CHD9NB: variants seen among roughly 807,000 people sequenced by gnomAD.
CHD9NB encodes CHD9 neighbor.
At chr16:53,040,503 T>C in the CHD9NB span, among the ~76,000 whole-genome samples, 1 of 152,164 alleles carries the variant, frequency 6.6e-6, no homozygotes, top group Non-Finnish European at 1.5e-5. Flanking sequence ...TACATTCGCT[T>C]CCAAAATAAC....
the CHD9NB span, among the ~76,000 whole-genome samples, chr16:53,048,202 G>A: frequency 1.3e-5 from 2 of 151,788 alleles, no homozygotes; most frequent in Non-Finnish European, 2.9e-5. Context: ...CCAGGGGTTC[G>A]AGACCAGCCT....
At chr16:53,035,769 C>G in the CHD9NB span, 1 of 152,120 alleles carries the variant, frequency 6.6e-6, no homozygotes, top group Non-Finnish European at 1.5e-5. Flanking sequence ...TTGAGACCAG[C>G]CTGGGCAACA....
the CHD9NB span, among the ~76,000 whole-genome samples, chr16:53,038,327 T>G: frequency 6.6e-6 from 1 of 152,170 alleles, no homozygotes; most frequent in Non-Finnish European, 1.5e-5. Context: ...TTAGCCAAGT[T>G]AAACTGACAC....
chr16:53,049,329 T>C, the CHD9NB span, among the ~76,000 whole-genome samples: 33 of 142,722 alleles, frequency 2.3e-4, no homozygotes, highest in Non-Finnish European at 4.8e-4. Context: ...CTGTTGTGTG[T>C]GTGTGTGTGT....
chr16:53,052,547 C>T, the CHD9NB span, among the ~76,000 whole-genome samples: 1 of 152,148 alleles, frequency 6.6e-6, no homozygotes, highest in African/African-American at 2.4e-5. Flanking sequence ...GAGAAAAATG[C>T]CAGGAGAACT....
chr16:53,051,120 C>T, the CHD9NB span, among the ~76,000 whole-genome samples: 2 of 151,952 alleles, frequency 1.3e-5, no homozygotes, highest in Admixed American at 1.3e-4. Context: ...ATCTCCTGAC[C>T]TCGTGATCCG....
chr16:53,041,251 A>G, the CHD9NB span, among the ~76,000 whole-genome samples: 3 of 152,278 alleles, frequency 2.0e-5, no homozygotes, highest in East Asian at 1.9e-4. Context: ...GGTTAAAGTT[A>G]TATTTCAGTA....
At chr16:53,040,487 A>T in the CHD9NB span, among the ~76,000 whole-genome samples, 9 of 152,166 alleles carry the variant, frequency 5.9e-5, no homozygotes, top group Non-Finnish European at 8.8e-5. Context: ...ATCCAACTCC[A>T]GGTCATACAT....
chr16:53,051,763 GTATAAATATATATATA>G, the CHD9NB span, among the ~76,000 whole-genome samples: 8 of 87,174 alleles, frequency 9.2e-5, no homozygotes, highest in African/African-American at 5.1e-4. Context: ...CAACTTAAAA[GTATAAATATATATATA>G]TATATATATA....
At chr16:53,037,391 C>A in the CHD9NB span, among the ~76,000 whole-genome samples, 1 of 152,288 alleles carries the variant, frequency 6.6e-6, no homozygotes, top group Admixed American at 6.5e-5. Context: ...TGAGAAAGGA[C>A]CAGTTAACAA....
At chr16:53,050,135 A>C in the CHD9NB span, among the ~76,000 whole-genome samples, 1 of 152,044 alleles carries the variant, frequency 6.6e-6, no homozygotes, top group South Asian at 2.1e-4. Flanking sequence ...ACTGGGAGGC[A>C]GAGGTTGCAG....
chr16:53,044,608 C>CT, the CHD9NB span, among the ~76,000 whole-genome samples: 1 of 152,176 alleles, frequency 6.6e-6, no homozygotes, highest in Non-Finnish European at 1.5e-5. Flanking sequence ...ACCCTTTAAC[C>CT]TAGAATGCCA....
chr16:53,045,069 G>T, the CHD9NB span, among the ~76,000 whole-genome samples: 1 of 152,178 alleles, frequency 6.6e-6, no homozygotes. Context: ...AAGTAGCAGG[G>T]ACTATAGGTG....
chr16:53,046,122 G>A, the CHD9NB span, among the ~76,000 whole-genome samples: 117 of 152,304 alleles, frequency 7.7e-4, no homozygotes, highest in African/African-American at 2.6e-3. Flanking sequence ...GGCTGTCAAG[G>A]TGGAAGAGGG....
the CHD9NB span, among the ~76,000 whole-genome samples, chr16:53,040,901 G>T: frequency 6.6e-6 from 1 of 152,164 alleles, no homozygotes; most frequent in Non-Finnish European, 1.5e-5. Flanking sequence ...CTGATGAACA[G>T]ATAGGTGGAT....
the CHD9NB span, chr16:53,052,879 G>T: frequency 5.7e-6 from 1 of 174,388 alleles, no homozygotes; most frequent in South Asian, 1.2e-4. Context: ...TCCAGGTATT[G>T]TCCACAGATG....
the CHD9NB span, among the ~76,000 whole-genome samples, chr16:53,037,530 G>A: frequency 2.0e-5 from 3 of 152,198 alleles, no homozygotes; most frequent in Admixed American, 2.0e-4. Flanking sequence ...AGGGAGTGTG[G>A]AAGGTCCTAG....
the CHD9NB span, chr16:53,044,366 C>A: frequency 5.7e-5 from 22 of 389,292 alleles, no homozygotes; most frequent in East Asian, 6.2e-4. Context: ...GCTGCCCTTC[C>A]GGCTAACCTG....
the CHD9NB span, among the ~76,000 whole-genome samples, chr16:53,042,074 A>G: frequency 1.3e-5 from 2 of 152,078 alleles, no homozygotes; most frequent in African/African-American, 2.4e-5. Flanking sequence ...CAGTTGCCTT[A>G]TTGCTCAAAA....
Sources: allele counts gnomAD v4.1 joint callset (sites outside exome capture counted in the v4.1 genomes callset), GRCh38; gene constraint gnomAD v4.1.1; transcripts MANE v1.5; gene names NCBI Gene and HGNC (gene_info 2026-07-23, HGNC 2026-07-21).